The following FREM1 variants were observed in gnomAD, a reference collection of about 807,000 sequenced individuals.
FREM1 encodes the protein FRAS1 related extracellular matrix 1, also known as FRAS1-related extracellular matrix protein 1.
FREM1 carries 220 observed loss-of-function variants against 210.1 expected under a neutral mutation model. The observed-to-expected ratio is 1.05, with a 90% CI of 0.94 to 1.17. The LOEUF is 1.17. Among genes scored for constraint, FREM1 ranks in the 50% most tolerant of loss-of-function variants. FREM1 has a pLI of 0.00. For missense variants in FREM1, 3,454 were observed against 2,675.5 expected (o/e 1.29, Z -6.42); for synonymous variants, 1,189 against 980.2 (o/e 1.21, Z -3.98).
intron 9 of FREM1, among the ~76,000 whole-genome samples, chr9:14,841,801 G>A (rs59716044): frequency 0.011 from 1,723 of 152,232 alleles, 34 homozygotes; most frequent in African/African-American, 0.039. Flanking sequence ...TATCTGTCTT[G>A]ATATATGGAA....
intron 2 of FREM1, among the ~76,000 whole-genome samples, chr9:14,866,111 G>A (rs1831469103): frequency 6.6e-6 from 1 of 152,142 alleles, no homozygotes; most frequent in East Asian, 1.9e-4. Context: ...TTCTTAATGA[G>A]CAATAGCAGG....
chr9:14,903,379 TGATGGCTTGACTGCTGGGA>T (rs1170878285), intron 1 of FREM1, among the ~76,000 whole-genome samples: 1 of 152,214 alleles, frequency 6.6e-6, no homozygotes, highest in East Asian at 1.9e-4. Context: ...AATGGATGGT[TGATGGCTTGACTGCTGGGA>T]AAGAGTGGGT....
intron 26 of FREM1, 112 bp from the exon 27 acceptor site, chr9:14,769,980 G>C: frequency 1.8e-6 from 1 of 555,746 alleles, no homozygotes; most frequent in Non-Finnish European, 3.0e-6. Flanking sequence ...AACAGCTAAA[G>C]TACATTTTAA....
Position 14,857,585 on chromosome 9 carries a change from G to A in FREM1, c.796C>T (p.Leu266Phe), listed in dbSNP as rs770982040. ...NIDYISIQLD[L>F]TDTRSKIVYK... ...ACAATTTTGCTCCTGGTATCTGTGAGGTCCAGTTGGATGGAGATATAATCA... is the reference window on the plus strand; with the variant it reads ...ACAATTTTGCTCCTGGTATCTGTGAAGTCCAGTTGGATGGAGATATAATCA... Residue 266 changes from leucine (L) to phenylalanine (F), a missense_variant, in exon 5 of 37, where the codon CTC becomes TTC. Leu to Phe is a conservative substitution (Grantham distance 22). Coordinates refer to ENST00000380880, the MANE Select transcript of FREM1 (RefSeq NM_001379081.2). 7 of 1,613,784 alleles carry A rather than the reference G, an allele frequency of 4.3e-6. No homozygotes were observed. Among genetic ancestry groups the A allele is most frequent in the Non-Finnish European group, 5.1e-6 (6 of 1,179,854 alleles).
Position 14,808,110 on chromosome 9 carries a change from C to T in FREM1, c.2918G>A (p.Cys973Tyr). 1 of 1,609,448 alleles carries T rather than the reference C, an allele frequency of 6.2e-7. No individual in the cohort carries two copies. The stretch of plus-strand genomic sequence containing the variant: ...AACCACCAATGTAATGGTGTCAAAA[C>T]AAGGCATCAGGCCAATCTCGCCACC... ...HTGGEIGLMP[C>Y]FDTITLVVSD... is the part of the protein sequence containing the mutation. Residue 973 changes from cysteine to tyrosine, a missense_variant, in exon 17 of 37, where the codon TGT becomes TAT. Coordinates refer to ENST00000380880, the MANE Select transcript of FREM1 (RefSeq NM_001379081.2).
chr9:14,803,869 T>C (rs918247638), intron 19 of FREM1, among the ~76,000 whole-genome samples: 2 of 152,252 alleles, frequency 1.3e-5, no homozygotes, highest in Non-Finnish European at 2.9e-5. Flanking sequence ...GGTATACTTA[T>C]GAAAACATTT....
chr9:14,861,354 T>A, intron 3 of FREM1, among the ~76,000 whole-genome samples: 1 of 132,842 alleles, frequency 7.5e-6, no homozygotes, highest in East Asian at 2.0e-4. Flanking sequence ...TATATACATA[T>A]ATACACATAT....
At chr9:14,845,605 T>C (rs543314399) in intron 8 of FREM1, among the ~76,000 whole-genome samples, 10 of 152,342 alleles carry the variant, frequency 6.6e-5, no homozygotes, top group African/African-American at 2.4e-4. Context: ...GCGCTCGGCC[T>C]AATTTTTCAA....
chr9:14,871,125 G>A (rs1564133366), intron 1 of FREM1, among the ~76,000 whole-genome samples: 1 of 152,276 alleles, frequency 6.6e-6, no homozygotes, highest in Non-Finnish European at 1.5e-5. Flanking sequence ...ACGTGTGCAT[G>A]TGTCTTTATA....
At chr9:14,864,100 T>C in intron 2 of FREM1, among the ~76,000 whole-genome samples, 197 bp from the exon 3 acceptor site, 1 of 152,194 alleles carries the variant, frequency 6.6e-6, no homozygotes, top group Non-Finnish European at 1.5e-5. Flanking sequence ...CAGCTGTCTC[T>C]TGTTTTGAGA....
At chr9:14,856,705 C>T (rs577358426) in intron 5 of FREM1, among the ~76,000 whole-genome samples, 3 of 152,024 alleles carry the variant, frequency 2.0e-5, no homozygotes, top group Admixed American at 6.5e-5. Flanking sequence ...TGGTGGCAGG[C>T]GCCTGTAGTC....
chr9:14,780,902 C>T (rs971366255), intron 24 of FREM1, among the ~76,000 whole-genome samples: 2 of 152,118 alleles, frequency 1.3e-5, no homozygotes, highest in African/African-American at 4.8e-5. Context: ...CATAGCAGTC[C>T]GTGATTGGGT....
Position 14,845,052 on chromosome 9 carries a change from A to G in FREM1, c.1393+908T>C, listed in dbSNP as rs77080271. ...TTTGATTCCAGAATTCCCTGCTCAC[A>G]AATGATGGTGAGAGTTATCTTTCTG... On this transcript the variant is annotated intron_variant, in intron 8 of 36. Coordinates refer to ENST00000380880, the MANE Select transcript of FREM1 (RefSeq NM_001379081.2). Among the ~76,000 whole-genome samples, 1,133 of 152,314 alleles carry G rather than the reference A, an allele frequency of 7.4e-3. 18 individuals are homozygous for G. The highest frequency in any genetic ancestry group is 0.025 in the African/African-American group (1,022 of 41,562).
At chr9:14,746,536 A>G in intron 34 of FREM1, 68 bp from the exon 35 acceptor site, 1 of 1,188,502 alleles carries the variant, frequency 8.4e-7, no homozygotes, top group South Asian at 1.2e-5. Context: ...CAGCATAAGG[A>G]GTCCTACGAG....
chr9:14,771,029 TTTATCAATTTG>T (rs1313097829), intron 25 of FREM1, among the ~76,000 whole-genome samples: 1 of 152,138 alleles, frequency 6.6e-6, no homozygotes, highest in Admixed American at 6.5e-5. Flanking sequence ...TTGACTCCAC[TTTATCAATTTG>T]TCTATTGCTT....
At chr9:14,770,890 C>A in intron 25 of FREM1, 84 bp from the exon 26 acceptor site, 1 of 905,420 alleles carries the variant, frequency 1.1e-6, no homozygotes, top group South Asian at 1.6e-5. Flanking sequence ...TCAACAATGA[C>A]ACACTGTCCC....
intron 1 of FREM1, among the ~76,000 whole-genome samples, chr9:14,903,055 C>A (rs965306958): frequency 1.3e-5 from 2 of 152,228 alleles, no homozygotes; most frequent in African/African-American, 4.8e-5. Context: ...CCTCGAGTGA[C>A]ATTTTAATCA....
intron 7 of FREM1, among the ~76,000 whole-genome samples, chr9:14,847,510 G>C (rs1458820510): frequency 2.0e-5 from 3 of 151,890 alleles, no homozygotes; most frequent in African/African-American, 7.3e-5. Context: ...TCTGTGACTG[G>C]CAATAAGGGT....
intron 15 of FREM1, 89 bp from the exon 16 acceptor site, chr9:14,813,153 C>T (rs192853779): frequency 1.2e-4 from 160 of 1,331,104 alleles, no homozygotes; most frequent in Non-Finnish European, 1.6e-4. Flanking sequence ...GTCAGAATGA[C>T]AGGCATTTTC....
Sources: gnomAD v4.1 joint callset for allele counts (sites outside exome capture counted in the v4.1 genomes callset) on GRCh38, gnomAD v4.1.1 for gene constraint, MANE v1.5 for transcripts, NCBI Gene and HGNC (gene_info 2026-07-23, HGNC 2026-07-21) for gene names.